FANCA: variants seen among roughly 807,000 people sequenced by gnomAD.
FANCA encodes the protein Fanconi anemia group A protein.
FANCA carries 236 observed loss-of-function variants against 194.3 expected under a neutral mutation model. The observed-to-expected ratio is 1.21, with a 90% CI of 1.09 to 1.35. The LOEUF is 1.35. Among genes scored for constraint, FANCA ranks in the 40% most tolerant of loss-of-function variants. The pLI, the probability that FANCA is intolerant of heterozygous loss-of-function variation, is 0.00. For synonymous variants in FANCA, 1,014 were observed against 715.8 expected (o/e 1.42, Z -6.65); for missense variants, 2,628 against 1,813.9 (o/e 1.45, Z -8.15).
In FANCA at chr16:89,815,947, G is replaced by A. The variant is rs563060518; in HGVS notation, c.119C>T (p.Ala40Val). The stretch of plus-strand genomic sequence containing the variant: ...CACAGCTGATTCCTTTAATTTCTGT[G>A]CCCTTTCAGGATTATATTTTTCCCT... ...VKREKYNPER[A>V]QKLKESAVRL... Residue 40 changes from alanine to valine, a missense_variant, in exon 2 of 43, where the codon GCA becomes GTA. Ala to Val is a moderately conservative substitution (Grantham distance 64, BLOSUM62 0). Coordinates refer to ENST00000389301, the MANE Select transcript of FANCA (RefSeq NM_000135.4). The A allele has an allele frequency of 1.9e-6, 3 of 1,614,100 alleles. No homozygotes were observed. Among genetic ancestry groups the A allele is most frequent in the Non-Finnish European group, 1.7e-6 (2 of 1,179,948 alleles).
chr16:89,814,382 A>G (rs1021686254), intron 3 of FANCA, 138 bp downstream of exon 3: 4 of 621,838 alleles, frequency 6.4e-6, no homozygotes, highest in Non-Finnish European at 1.1e-5. Flanking sequence ...CAAACATCCC[A>G]TAGAATTTGC....
intron 10 of FANCA, chr16:89,798,720 G>C (rs2040333173): frequency 1.5e-6 from 2 of 1,328,858 alleles, no homozygotes; most frequent in African/African-American, 1.5e-5. Context: ...TTGCCTACTG[G>C]TGAATCTGAG....
intron 28 of FANCA, among the ~76,000 whole-genome samples, chr16:89,764,238 C>T (rs1242503955): frequency 6.6e-6 from 1 of 152,096 alleles, no homozygotes; most frequent in Non-Finnish European, 1.5e-5. Flanking sequence ...AAAAATATAT[C>T]AGTAAAAATA....
intron 38 of FANCA, 24 bp from the exon 39 acceptor site, chr16:89,740,123 C>G (rs2151714977): frequency 6.3e-7 from 1 of 1,598,502 alleles, no homozygotes; most frequent in Non-Finnish European, 8.6e-7. Context: ...GAGACCAACC[C>G]TGAGAATGGC....
intron 5 of FANCA, among the ~76,000 whole-genome samples, chr16:89,810,372 C>A (rs1483887029): frequency 6.7e-6 from 1 of 149,788 alleles, no homozygotes; most frequent in Non-Finnish European, 1.5e-5. Flanking sequence ...GACCCTGTCT[C>A]TGGAAAAAAA....
At chr16:89,773,145 T>TC (rs2039381588) in intron 22 of FANCA, 126 bp downstream of exon 22, 2 of 791,170 alleles carry the variant, frequency 2.5e-6, no homozygotes, top group Admixed American at 4.1e-5. Flanking sequence ...GGGTCAATCT[T>TC]TAAACTACTG....
chr16:89,814,035 AG>A (rs1468975559), intron 3 of FANCA, among the ~76,000 whole-genome samples: 1 of 152,190 alleles, frequency 6.6e-6, no homozygotes, highest in African/African-American at 2.4e-5. Context: ...TTGTCAAGGG[AG>A]CGCTATTACT....
chr16:89,759,567 C>G (rs1449719811), intron 29 of FANCA, among the ~76,000 whole-genome samples: 2 of 151,784 alleles, frequency 1.3e-5, no homozygotes, highest in African/African-American at 4.8e-5. Context: ...CTGACATCAG[C>G]CTGAGCAACA....
Position 89,796,097 on chromosome 16 carries a change from G to A in FANCA, c.894-79C>T, listed in dbSNP as rs2040237737. ...CCCACCAATCCCAGCACAAACTGTG[G>A]CTCAGGCTCATCCCTTCTTTAAGCA... On this transcript the variant is annotated intron_variant, in intron 10 of 42. Transcript: ENST00000389301. 6.4e-6 allele frequency: 7 copies of A among 1,090,662 alleles called. No individual in the cohort carries two copies. In the South Asian group the frequency reaches 8.8e-5, roughly 14 times the overall value. 67.6% of individuals were successfully genotyped at this position (1,090,662 alleles called of 1,614,324 possible).
At chr16:89,793,808 T>C (rs1335166014) in intron 11 of FANCA, among the ~76,000 whole-genome samples, 4 of 152,116 alleles carry the variant, frequency 2.6e-5, no homozygotes, top group Non-Finnish European at 5.9e-5. Context: ...TGGAGTGCAG[T>C]GGTACAATCT....
At chr16:89,744,696 T>C (rs1286940060) in intron 36 of FANCA, 2 of 492,886 alleles carry the variant, frequency 4.1e-6, no homozygotes, top group African/African-American at 2.0e-5. Flanking sequence ...CTGGACAGAG[T>C]CTTGCTCTAT....
At chr16:89,810,315 T>G (rs1283607146) in intron 5 of FANCA, among the ~76,000 whole-genome samples, 1 of 144,154 alleles carries the variant, frequency 6.9e-6, no homozygotes, top group Non-Finnish European at 1.5e-5. Context: ...AGAGCGAGAC[T>G]TCGTCTCAAA....
At chr16:89,776,420 G>A (rs1378753501) in intron 20 of FANCA, among the ~76,000 whole-genome samples, 1 of 151,446 alleles carries the variant, frequency 6.6e-6, no homozygotes, top group Admixed American at 6.6e-5. Flanking sequence ...ACCTGCCTCA[G>A]CCTCCCAAAG....
intron 37 of FANCA, among the ~76,000 whole-genome samples, chr16:89,741,325 C>A (rs886505530): frequency 6.6e-6 from 1 of 152,340 alleles, no homozygotes; most frequent in Admixed American, 6.5e-5. Context: ...ACTAAAATCC[C>A]TTCTAACAAA....
rs539315733 is a variant in FANCA, at chr16:89,761,895, G to A, written c.2852+54C>T. The A allele has an allele frequency of 7.7e-6, 11 of 1,424,968 alleles. 1 individual carries two copies. The South Asian group carries it at 1.0e-4, about 13-fold the overall frequency. The allele number at this position is 1,424,968 out of a possible 1,614,324, so 88.3% of individuals were successfully genotyped here. A position where few individuals can be genotyped will look rare whatever the true frequency, so the allele number is the denominator to read the frequency against. ...CTGCCTCAGCCTCCCAAAGTGCTGG[G>A]ATTATAGGTGTGAGCCATCATGCCT... is the stretch of plus-strand genomic sequence containing the variant. On this transcript the variant is annotated intron_variant, in intron 29 of 42. Coordinates refer to ENST00000389301, the MANE Select transcript of FANCA (RefSeq NM_000135.4).
At chr16:89,747,392 C>A (rs1393090655) in intron 33 of FANCA, among the ~76,000 whole-genome samples, 1 of 152,240 alleles carries the variant, frequency 6.6e-6, no homozygotes, top group African/African-American at 2.4e-5. Context: ...CTCACGTCCT[C>A]TGCTTTCCTT....
At chr16:89,791,364 A>G in intron 14 of FANCA, 39 bp downstream of exon 14, 2 of 1,610,262 alleles carry the variant, frequency 1.2e-6, no homozygotes, top group Non-Finnish European at 1.7e-6. Context: ...GCCTTCTGGG[A>G]AGATCAGGTA....
At chr16:89,789,678 A>G (rs1567634076) in intron 14 of FANCA, among the ~76,000 whole-genome samples, 2 of 151,994 alleles carry the variant, frequency 1.3e-5, no homozygotes, top group Non-Finnish European at 2.9e-5. Context: ...GGCTCAAGCA[A>G]TCCTCCTGCC....
chr16:89,805,177 G>T, intron 7 of FANCA, 103 bp downstream of exon 7: 3 of 886,524 alleles, frequency 3.4e-6, no homozygotes, highest in Non-Finnish European at 5.5e-6. Flanking sequence ...CACGGCCACG[G>T]AGAGACAGGC....
Sources: gnomAD v4.1 joint callset for allele counts (sites outside exome capture counted in the v4.1 genomes callset) on GRCh38, gnomAD v4.1.1 for gene constraint, MANE v1.5 for transcripts, NCBI Gene and HGNC (gene_info 2026-07-23, HGNC 2026-07-21) for gene names.